Variants in FHIT observed in about 807,000 individuals in gnomAD.
FHIT encodes the protein bis(5'-adenosyl)-triphosphatase.
FHIT carries 19 observed loss-of-function variants against 17.9 expected under a neutral mutation model. The observed-to-expected ratio is 1.06, with a 90% CI of 0.74 to 1.56. FHIT has a LOEUF of 1.56. Ranked by LOEUF, FHIT falls within the 40% of genes most tolerant of loss-of-function variation. The pLI, the probability that FHIT is intolerant of heterozygous loss-of-function variation, is 0.00. For synonymous variants in FHIT, 81 were observed against 69.7 expected (o/e 1.16, Z -0.81); for missense variants, 248 against 189.2 (o/e 1.31, Z -1.82).
intron 4 of FHIT, among the ~76,000 whole-genome samples, chr3:60,648,113 A>C (rs897682840): frequency 2.6e-5 from 4 of 152,108 alleles, no homozygotes; most frequent in Admixed American, 2.6e-4. Context: ...GATAGATGGG[A>C]CGACAATGGG....
chr3:60,094,831 GAGA>G (rs1332934478), intron 5 of FHIT, among the ~76,000 whole-genome samples: 14 of 151,248 alleles, frequency 9.3e-5, no homozygotes, highest in Non-Finnish European at 1.9e-4. Context: ...AAGAGAGAGA[GAGA>G]AGGAGAGAGG....
intron 7 of FHIT, among the ~76,000 whole-genome samples, chr3:59,929,063 G>C (rs1361822513): frequency 2.0e-5 from 3 of 149,622 alleles, no homozygotes; most frequent in Admixed American, 6.7e-5. Context: ...GGAGAAATTG[G>C]AACCCTTGTA....
chr3:60,416,561 G>A (rs1373253822), intron 5 of FHIT, among the ~76,000 whole-genome samples: 1 of 152,092 alleles, frequency 6.6e-6, no homozygotes, highest in East Asian at 1.9e-4. Flanking sequence ...TTTTATTTAT[G>A]GACACTGAAA....
chr3:60,811,779 G>A (rs1424319970), intron 4 of FHIT, among the ~76,000 whole-genome samples: 2 of 152,026 alleles, frequency 1.3e-5, no homozygotes, highest in Non-Finnish European at 2.9e-5. Flanking sequence ...TTCTAGTTAC[G>A]AGGAAAAAAT....
At chr3:60,443,333 A>G (rs1301245460) in intron 5 of FHIT, among the ~76,000 whole-genome samples, 14 of 152,238 alleles carry the variant, frequency 9.2e-5, no homozygotes, top group African/African-American at 2.6e-4. Context: ...GTGAGAGAGG[A>G]CATCTCTGTC....
At chr3:61,005,458 A>G (rs1483546095) in intron 3 of FHIT, among the ~76,000 whole-genome samples, 1 of 151,884 alleles carries the variant, frequency 6.6e-6, no homozygotes, top group Non-Finnish European at 1.5e-5. Context: ...TGATGGTGAC[A>G]ATGATAATTA....
intron 5 of FHIT, among the ~76,000 whole-genome samples, chr3:60,100,331 C>A (rs920013199): frequency 6.6e-6 from 1 of 152,006 alleles, no homozygotes; most frequent in Non-Finnish European, 1.5e-5. Flanking sequence ...TTGCACTGAG[C>A]TGAGATTGTG....
chr3:61,194,030 G>A (rs946469858), intron 2 of FHIT, among the ~76,000 whole-genome samples: 1 of 100,230 alleles, frequency 1.0e-5, no homozygotes, highest in Non-Finnish European at 1.9e-5. Flanking sequence ...ACTGGAAATA[G>A]AAAATAGATT....
chr3:61,010,022 C>T (rs1483098909), intron 3 of FHIT, among the ~76,000 whole-genome samples: 1 of 152,154 alleles, frequency 6.6e-6, no homozygotes, highest in Admixed American at 6.5e-5. Flanking sequence ...CCAGAAGTTT[C>T]ATCTACCTAA....
chr3:61,184,888 A>G (rs948119293), intron 2 of FHIT, among the ~76,000 whole-genome samples: 31 of 152,198 alleles, frequency 2.0e-4, no homozygotes, highest in Admixed American at 1.3e-3. Flanking sequence ...ACACATTCAC[A>G]TACTTAGGAG....
At chr3:60,373,335 A>G (rs1700415521) in intron 5 of FHIT, among the ~76,000 whole-genome samples, 1 of 152,148 alleles carries the variant, frequency 6.6e-6, no homozygotes, top group Non-Finnish European at 1.5e-5. Flanking sequence ...AGAATTTGAA[A>G]ATGGCTTGGT....
At chr3:60,116,887 A>G (rs1704987903) in intron 5 of FHIT, among the ~76,000 whole-genome samples, 1 of 151,848 alleles carries the variant, frequency 6.6e-6, no homozygotes, top group Admixed American at 6.6e-5. Flanking sequence ...TTTCCCTTCT[A>G]TTTTTTGAGT....
chr3:61,039,058 A>AG (rs1262351052), intron 3 of FHIT, among the ~76,000 whole-genome samples: 1 of 152,174 alleles, frequency 6.6e-6, no homozygotes, highest in Non-Finnish European at 1.5e-5. Flanking sequence ...AATAATTTAA[A>AG]GGGGATCACT....
chr3:60,472,644 C>G (rs2033147630), intron 5 of FHIT, among the ~76,000 whole-genome samples: 2 of 152,324 alleles, frequency 1.3e-5, no homozygotes, highest in East Asian at 3.9e-4. Flanking sequence ...GCTGGGATTA[C>G]AGGCATGAGC....
intron 8 of FHIT, among the ~76,000 whole-genome samples, chr3:59,886,541 G>T (rs528889568): frequency 6.6e-6 from 1 of 152,184 alleles, no homozygotes; most frequent in Non-Finnish European, 1.5e-5. Flanking sequence ...AAGGGTGAAG[G>T]GGGGCTGTGT....
intron 2 of FHIT, among the ~76,000 whole-genome samples, chr3:61,162,897 T>G (rs538919603): frequency 7.2e-5 from 11 of 152,350 alleles, no homozygotes; most frequent in African/African-American, 2.4e-4. Flanking sequence ...TTGGATTCTC[T>G]TTAGACTAGT....
chr3:61,156,022 G>A (rs1335298209), intron 2 of FHIT, among the ~76,000 whole-genome samples: 2 of 152,174 alleles, frequency 1.3e-5, no homozygotes, highest in South Asian at 2.1e-4. Context: ...CTTGGGTGCT[G>A]ATGCCCTAAC....
intron 2 of FHIT, among the ~76,000 whole-genome samples, chr3:61,119,196 C>G (rs1305472764): frequency 6.6e-6 from 1 of 152,064 alleles, no homozygotes; most frequent in Non-Finnish European, 1.5e-5. Flanking sequence ...TTCATAAGAG[C>G]TTAGCTTCAT....
intron 2 of FHIT, among the ~76,000 whole-genome samples, chr3:61,043,434 CCA>C (rs2033626533): frequency 6.6e-6 from 1 of 152,140 alleles, no homozygotes; most frequent in African/African-American, 2.4e-5. Context: ...GGAGGGGCAT[CCA>C]TCATTGCTGA....
Sources: allele counts gnomAD v4.1 joint callset (sites outside exome capture counted in the v4.1 genomes callset), GRCh38; gene constraint gnomAD v4.1.1; transcripts MANE v1.5; gene names NCBI Gene and HGNC (gene_info 2026-07-23, HGNC 2026-07-21).